Variants in ARHGAP31 observed in about 807,000 individuals in gnomAD.
ARHGAP31 encodes the protein Rho GTPase activating protein 31, also known as rho GTPase-activating protein 31.
Under a neutral mutation model 113.9 loss-of-function variants are expected in ARHGAP31, and 34 were observed. That is an observed-to-expected ratio of 0.30 (90% confidence interval 0.23 to 0.40). The LOEUF is 0.40. Among genes scored for constraint, ARHGAP31 ranks in the 10% least tolerant of loss-of-function variants. The pLI is 1.00. For missense variants in ARHGAP31, 1,548 were observed against 1,767.1 expected, an observed-to-expected ratio of 0.88 and a Z score of 2.22; for synonymous variants, 650 against 684.8, an observed-to-expected ratio of 0.95 and a Z score of 0.79.
chr3:119,371,305 C>T (rs1055321718), intron 3 of ARHGAP31, among the ~76,000 whole-genome samples: 12 of 152,204 alleles, frequency 7.9e-5, no homozygotes, highest in Admixed American at 7.2e-4. Flanking sequence ...TATCTCTCCC[C>T]TCTCCTGTTC....
At chr3:119,401,777 A>T in intron 9 of ARHGAP31, 45 bp from the exon 10 acceptor site, 1 of 1,590,022 alleles carries the variant, frequency 6.3e-7, no homozygotes, top group Non-Finnish European at 8.6e-7. Flanking sequence ...CTGCTATTGT[A>T]TGTGTGCCCC....
chr3:119,349,818 T>G (rs1177584910), intron 1 of ARHGAP31, among the ~76,000 whole-genome samples: 1 of 152,238 alleles, frequency 6.6e-6, no homozygotes, highest in Non-Finnish European at 1.5e-5. Flanking sequence ...CTTAAGCTCC[T>G]GGGAGGCCCT....
intron 1 of ARHGAP31, among the ~76,000 whole-genome samples, chr3:119,319,481 A>T (rs2079763620): frequency 6.6e-6 from 1 of 152,190 alleles, no homozygotes; most frequent in Non-Finnish European, 1.5e-5. Flanking sequence ...CATCTTAAGA[A>T]GATAACATTT....
chr3:119,353,435 A>G (rs1312677061), intron 1 of ARHGAP31, among the ~76,000 whole-genome samples: 1 of 152,180 alleles, frequency 6.6e-6, no homozygotes, highest in Non-Finnish European at 1.5e-5. Context: ...CAGTTTCTTC[A>G]TTTACAAAAC....
Position 119,420,316 on chromosome 3 carries a change from G to A in ARHGAP31, c.*4052G>A, listed in dbSNP as rs2080810339. The stretch of plus-strand genomic sequence containing the variant: ...TTAGACATGTCTGGCAGGAAGGTCA[G>A]CTCAAAATGTGGCATGACAAAGAAT... On this transcript the variant is annotated 3_prime_UTR_variant, in exon 12 of 12. Coordinates refer to ENST00000264245, the MANE Select transcript of ARHGAP31 (RefSeq NM_020754.4). The A allele has an allele frequency of 6.6e-6, 1 of 152,248 alleles. No individual in the cohort carries two copies. Among genetic ancestry groups the A allele is most frequent in the Non-Finnish European group, 1.5e-5 (1 of 68,046 alleles). 9.4% of individuals were successfully genotyped at this position (152,248 alleles called of 1,614,324 possible). A position where few individuals can be genotyped will look rare whatever the true frequency, so the allele number is the denominator to read the frequency against.
Position 119,326,158 on chromosome 3 carries a change from C to A in ARHGAP31, c.100+31154C>A, listed in dbSNP as rs541014254. 2.6e-5 allele frequency among the ~76,000 whole-genome samples: 4 copies of A among 152,316 alleles called. No individual in the cohort carries two copies. In the South Asian group the frequency reaches 8.3e-4, roughly 32 times the overall value. On this transcript the variant is annotated intron_variant, in intron 1 of 11. Transcript: ENST00000264245. ...AGTGAGCTGAGATCATGTCATTGCA[C>A]TCCAGCCTGGGCAACAAGAGCAAAA...
chr3:119,417,340 A>G lies in ARHGAP31; in HGVS notation c.*1076A>G, dbSNP rs1039044627. 1 of 152,378 alleles carries G rather than the reference A, an allele frequency of 6.6e-6. No homozygotes were observed. The highest frequency in any genetic ancestry group is 1.9e-4 in the East Asian group (1 of 5,172). The allele number at this position is 152,378 out of a possible 1,614,324, so 9.4% of individuals were successfully genotyped here. The stretch of plus-strand genomic sequence containing the variant: ...GAGGAGCTCCAGGAGGCGAGGGAAG[A>G]GCCCTAGCAGGGCGGCCATCACAAC... On this transcript the variant is annotated 3_prime_UTR_variant, in exon 12 of 12. Coordinates refer to ENST00000264245, the MANE Select transcript of ARHGAP31 (RefSeq NM_020754.4).
intron 1 of ARHGAP31, among the ~76,000 whole-genome samples, chr3:119,323,558 G>A (rs987311697): frequency 1.3e-5 from 2 of 151,942 alleles, no homozygotes; most frequent in African/African-American, 2.4e-5. Flanking sequence ...GACAGGAAAC[G>A]AAGAGGGAGG....
intron 1 of ARHGAP31, among the ~76,000 whole-genome samples, chr3:119,335,387 A>G (rs2079933694): frequency 6.6e-6 from 1 of 152,212 alleles, no homozygotes; most frequent in Non-Finnish European, 1.5e-5. Flanking sequence ...CATTGTAGGA[A>G]CTGACCACCA....
At chr3:119,297,106 G>A (rs1375338946) in intron 1 of ARHGAP31, among the ~76,000 whole-genome samples, 2 of 152,192 alleles carry the variant, frequency 1.3e-5, no homozygotes, top group African/African-American at 2.4e-5. Flanking sequence ...TGTGCTACAC[G>A]GAAATTAGAC....
chr3:119,301,259 C>A (rs1287137738), intron 1 of ARHGAP31, among the ~76,000 whole-genome samples: 1 of 152,234 alleles, frequency 6.6e-6, no homozygotes, highest in Non-Finnish European at 1.5e-5. Flanking sequence ...CAGATGCCTT[C>A]CAGCTTCAGG....
rs373204964 is a variant in ARHGAP31 at position 119,364,536 on chromosome 3, T to C, written c.101-780T>C. On this transcript the variant is annotated intron_variant, in intron 1 of 11. Coordinates refer to ENST00000264245, the MANE Select transcript of ARHGAP31 (RefSeq NM_020754.4). ...CATGTTTAGAATAAAGCAGTGGCTC[T>C]CTAATTTTTGCATGCATCAGAGTCA... is the stretch of plus-strand genomic sequence containing the variant. Among the ~76,000 whole-genome samples, 27 of 152,334 alleles carry C rather than the reference T, an allele frequency of 1.8e-4. No homozygotes were observed. In the East Asian group the frequency reaches 4.8e-3, roughly 27 times the overall value.
chr3:119,403,824 A>C (rs1342410031), intron 10 of ARHGAP31, among the ~76,000 whole-genome samples: 2 of 152,174 alleles, frequency 1.3e-5, no homozygotes, highest in Non-Finnish European at 2.9e-5. Context: ...AACTGGGCTG[A>C]TTCGGATGCT....
At position 119,415,840 on chromosome 3, in the gene ARHGAP31, T is replaced by C; in HGVS notation, c.3911T>C (p.Val1304Ala). ...AACCTGCTCTCCACCCAGGATGCAG[T>C]AGTGCAATGCAGAAAGCGCATGTCA... ...SSNLLSTQDA[V>A]VQCRKRMSET... Residue 1304 changes from valine to alanine, a missense_variant, in exon 12 of 12, where the codon GTA becomes GCA. Coordinates refer to ENST00000264245, the MANE Select transcript of ARHGAP31 (RefSeq NM_020754.4). 1 of 1,614,156 alleles carries C rather than the reference T, an allele frequency of 6.2e-7. No individual in the cohort carries two copies. The highest frequency in any genetic ancestry group is 8.5e-7 in the Non-Finnish European group (1 of 1,180,024).
chr3:119,329,951 A>G (rs979436768), intron 1 of ARHGAP31: 1 of 985,504 alleles, frequency 1.0e-6, no homozygotes, highest in Non-Finnish European at 1.2e-6. Flanking sequence ...TGAAGAAGTC[A>G]AAGTGGAGAA....
At chr3:119,336,845 A>C (rs913359321) in intron 1 of ARHGAP31, among the ~76,000 whole-genome samples, 2 of 152,160 alleles carry the variant, frequency 1.3e-5, no homozygotes, top group African/African-American at 4.8e-5. Context: ...GGCCCTAAGA[A>C]ACCATGAATC....
At chr3:119,365,900 C>G (rs1026353874) in intron 2 of ARHGAP31, among the ~76,000 whole-genome samples, 1 of 151,456 alleles carries the variant, frequency 6.6e-6, no homozygotes, top group Non-Finnish European at 1.5e-5. Context: ...CTAATTGATG[C>G]TAGGATTTTA....
At chr3:119,337,604 TGATTGGTCCGTTTTACAGAGTGCA>T (rs1430825466) in intron 1 of ARHGAP31, among the ~76,000 whole-genome samples, 5 of 152,182 alleles carry the variant, frequency 3.3e-5, no homozygotes, top group Non-Finnish European at 7.4e-5. Flanking sequence ...TACAGAGAGC[TGATTGGTCCGTTTTACAGAGTGCA>T]GATTGGTCCG....
intron 1 of ARHGAP31, among the ~76,000 whole-genome samples, chr3:119,337,413 T>C (rs915879316): frequency 9.9e-5 from 15 of 152,028 alleles, no homozygotes; most frequent in African/African-American, 3.6e-4. Flanking sequence ...TGGTGAGTGT[T>C]ACAGCTCATA....
Sources: gnomAD v4.1 joint callset for allele counts (sites outside exome capture counted in the v4.1 genomes callset) on GRCh38, gnomAD v4.1.1 for gene constraint, MANE v1.5 for transcripts, NCBI Gene and HGNC (gene_info 2026-07-23, HGNC 2026-07-21) for gene names.